Variants in STRADB observed in about 807,000 individuals in gnomAD.
STRADB encodes the protein STE20-related kinase adapter protein beta.
STRADB carries 34 observed loss-of-function variants against 52.1 expected under a neutral mutation model. The ratio of observed to expected loss-of-function variants is 0.65; its 90% CI spans 0.50 to 0.87. The LOEUF is 0.87. Among genes scored for constraint, STRADB ranks in the 40% least tolerant of loss-of-function variants. The probability of loss-of-function intolerance (pLI) is 0.00; values close to 1 mark genes in which losing one functional copy is unlikely to be tolerated. For missense variants in STRADB, 340 were observed against 483.9 expected (o/e 0.70, Z 2.79); for synonymous variants, 133 against 174.5 (o/e 0.76, Z 1.87).
chr2:201,464,354 ACCATCTTGGTGGT>A (rs1952265062), intron 3 of STRADB, among the ~76,000 whole-genome samples: 1 of 152,034 alleles, frequency 6.6e-6, no homozygotes, highest in Admixed American at 6.6e-5. Flanking sequence ...TCACAGAGGT[ACCATCTTGGTGGT>A]CTTGGGTAAG....
chr2:201,477,524 T>C, intron 7 of STRADB, 95 bp from the exon 8 acceptor site: 1 of 1,289,838 alleles, frequency 7.8e-7, no homozygotes, highest in Non-Finnish European at 1.1e-6. Flanking sequence ...GGTATTTAAT[T>C]TCCAAGAGAA....
rs930936392 is a variant in STRADB, at chr2:201,454,857, G to T, written c.12+5G>T. On this transcript the variant is annotated splice_donor_5th_base_variant and intron_variant, in intron 2 of 11. Transcript: ENST00000194530. The stretch of plus-strand genomic sequence containing the variant: ...AGTGATTCAATGTCTCTTTTGGTAA[G>T]TTTTTGTAAATATAGATCTGATTTT... 1 of 1,607,686 alleles carries T rather than the reference G, an allele frequency of 6.2e-7. No individual in the cohort carries two copies. The highest frequency in any genetic ancestry group is 8.5e-7 in the Non-Finnish European group (1 of 1,177,274).
At chr2:201,463,382 A>G (rs2125675372) in intron 3 of STRADB, among the ~76,000 whole-genome samples, 1 of 148,016 alleles carries the variant, frequency 6.8e-6, no homozygotes, top group South Asian at 2.2e-4. Flanking sequence ...ATGTTGTGCT[A>G]CTCTCTCCTG....
At chr2:201,453,859 A>G (rs1214670780) in intron 1 of STRADB, among the ~76,000 whole-genome samples, 2 of 152,210 alleles carry the variant, frequency 1.3e-5, no homozygotes, top group Non-Finnish European at 2.9e-5. Context: ...TAGGTGGCTA[A>G]ATGATCACAG....
At chr2:201,478,632 A>G (rs921784066) in intron 10 of STRADB, 31 bp downstream of exon 10, 1 of 1,601,936 alleles carries the variant, frequency 6.2e-7, no homozygotes, top group Non-Finnish European at 8.5e-7. Flanking sequence ...ATAGCACAAA[A>G]TGTACATGTT....
rs533095835 is a variant in STRADB, at chr2:201,475,119, A to G, written c.424+364A>G. 7.5e-4 allele frequency among the ~76,000 whole-genome samples: 114 copies of G among 152,152 alleles called. 1 individual carries two copies. Among genetic ancestry groups the G allele is most frequent in the African/African-American group, 2.7e-3 (111 of 41,508 alleles). The stretch of plus-strand genomic sequence containing the variant: ...TGTCCGTTTCACTGCATTGTAAACT[A>G]TTTCACTGTATTAGAAACATCTTTG... On this transcript the variant is annotated intron_variant, in intron 6 of 11. Coordinates refer to ENST00000194530, the MANE Select transcript of STRADB (RefSeq NM_018571.6).
Position 201,454,924 on chromosome 2 carries a change from A to G in STRADB, c.12+72A>G. On this transcript the variant is annotated intron_variant, in intron 2 of 11. Coordinates refer to ENST00000194530, the MANE Select transcript of STRADB (RefSeq NM_018571.6). Reference sequence around the variant, plus strand: ...TGGATGTTAATGCCAAGCCATAATAAAAGGCATATTCTGATGGGATATTCT... The same window carrying G: ...TGGATGTTAATGCCAAGCCATAATAGAAGGCATATTCTGATGGGATATTCT... The G allele has an allele frequency of 2.1e-6, 3 of 1,403,014 alleles. No homozygotes were observed. The South Asian group carries it at 3.7e-5, about 17-fold the overall frequency. The allele number at this position is 1,403,014 out of a possible 1,614,324, so 86.9% of individuals were successfully genotyped here.
At chr2:201,473,194 A>T (rs1338775277) in intron 5 of STRADB, 118 bp downstream of exon 5, 2 of 873,860 alleles carry the variant, frequency 2.3e-6, no homozygotes, top group African/African-American at 1.8e-5. Context: ...ATACAATAAA[A>T]AATAGTACAA....
At position 201,474,705 on chromosome 2, in the gene STRADB, T is replaced by C; in HGVS notation, c.374T>C (p.Val125Ala). 6.2e-7 allele frequency: 1 copy of C among 1,612,062 alleles called. No homozygotes were observed. The highest frequency in any genetic ancestry group is 8.5e-7 in the Non-Finnish European group (1 of 1,179,466). The change falls in exon 6 of 12, where the codon GTT becomes GCT. Residue 125 changes from valine (V) to alanine (A), a missense_variant. Physicochemically the swap from Val to Ala is moderately conservative, Grantham distance 64. Coordinates refer to ENST00000194530, the MANE Select transcript of STRADB (RefSeq NM_018571.6). ...CCCAATATTACAACTTATTGGACAG[T>C]TTTCACTGTTGGCAGCTGGCTTTGG... ...RHPNITTYWT[V>A]FTVGSWLWVI...
Position 201,474,185 on chromosome 2 carries a change from C to A in STRADB, c.316-462C>A, listed in dbSNP as rs545623620. On this transcript the variant is annotated intron_variant, in intron 5 of 11. Coordinates refer to ENST00000194530, the MANE Select transcript of STRADB (RefSeq NM_018571.6). ...GATTACAGGCGTGAGCCACCGTGCC[C>A]GGCCCCAATTCTTAAAATATTTATA... is the stretch of plus-strand genomic sequence containing the variant. Among the ~76,000 whole-genome samples, 7 of 152,164 alleles carry A rather than the reference C, an allele frequency of 4.6e-5. No homozygotes were observed. In the South Asian group the frequency reaches 1.5e-3, roughly 32 times the overall value.
At chr2:201,455,239 A>G (rs557936389) in intron 2 of STRADB, among the ~76,000 whole-genome samples, 3 of 152,316 alleles carry the variant, frequency 2.0e-5, no homozygotes, top group Admixed American at 2.0e-4. Context: ...CTTTGACTTA[A>G]CCGAAATAAA....
At position 201,468,085 on chromosome 2, in the gene STRADB, C is replaced by CTT. The variant is rs536551120; in HGVS notation, c.94-1846_94-1845dup. Among the ~76,000 whole-genome samples, 578 of 70,962 alleles carry CTT rather than the reference C, an allele frequency of 8.1e-3. 4 individuals are homozygous for CTT. Among genetic ancestry groups the CTT allele is most frequent in the Non-Finnish European group, 0.013 (451 of 33,924 alleles). 46.6% of individuals were successfully genotyped at this position (70,962 alleles called of 152,430 possible). A position where few individuals can be genotyped will look rare whatever the true frequency, so the allele number is the denominator to read the frequency against. ...ATTGTGAGTCCTGCCTTTTTTTTTT[C>CTT]TTTTTTTTTTTTTTTTTTTTTTTGG... On this transcript the variant is annotated intron_variant, in intron 3 of 11. Coordinates refer to ENST00000194530, the MANE Select transcript of STRADB (RefSeq NM_018571.6).
rs1330771864 is a variant in STRADB, at chr2:201,477,599, A to G, written c.549-20A>G. 2.5e-6 allele frequency: 4 copies of G among 1,581,424 alleles called. No individual in the cohort carries two copies. The highest frequency in any genetic ancestry group is 1.7e-5 in the Admixed American group (1 of 59,104). On this transcript the variant is annotated intron_variant, in intron 7 of 11. Transcript: ENST00000194530. ...ATTGGCCAGTTTCCTGTTACTTAGCATTGTTTCTTTTTGTTCTAGGAGTAT... is the reference window on the plus strand; with the variant it reads ...ATTGGCCAGTTTCCTGTTACTTAGCGTTGTTTCTTTTTGTTCTAGGAGTAT...
intron 3 of STRADB, among the ~76,000 whole-genome samples, chr2:201,462,620 A>G (rs1952233358): frequency 1.3e-5 from 2 of 152,222 alleles, no homozygotes; most frequent in South Asian, 4.1e-4. Context: ...TTTTAAAGTG[A>G]CAACTTGACA....
At chr2:201,469,446 C>G (rs991931093) in intron 3 of STRADB, among the ~76,000 whole-genome samples, 1 of 152,198 alleles carries the variant, frequency 6.6e-6, no homozygotes, top group Admixed American at 6.5e-5. Flanking sequence ...ATTTTTCTTT[C>G]TGACCTCCCA....
intron 4 of STRADB, 200 bp from the exon 5 acceptor site, chr2:201,472,755 T>C (rs1952410318): frequency 1.4e-5 from 6 of 420,782 alleles, no homozygotes; most frequent in East Asian, 4.3e-5. Flanking sequence ...TCTTATTTTG[T>C]GGATTGCCTG....
chr2:201,456,468 A>G (rs1308172544), intron 2 of STRADB, among the ~76,000 whole-genome samples: 1 of 152,248 alleles, frequency 6.6e-6, no homozygotes, highest in Non-Finnish European at 1.5e-5. Context: ...TTTTGTGAAA[A>G]ATAATAGAAT....
intron 3 of STRADB, among the ~76,000 whole-genome samples, chr2:201,465,637 G>A (rs1952289188): frequency 6.6e-6 from 1 of 152,192 alleles, no homozygotes; most frequent in South Asian, 2.1e-4. Context: ...GGCCCCCCAA[G>A]TCCACTGGCT....
chr2:201,475,526 T>C, intron 6 of STRADB, 93 bp from the exon 7 acceptor site: 2 of 1,458,694 alleles, frequency 1.4e-6, no homozygotes, highest in Non-Finnish European at 1.9e-6. Flanking sequence ...GTAACAGGTA[T>C]GTTTGTGTTT....
Sources: allele counts gnomAD v4.1 joint callset (sites outside exome capture counted in the v4.1 genomes callset), GRCh38; gene constraint gnomAD v4.1.1; transcripts MANE v1.5; gene names NCBI Gene and HGNC (gene_info 2026-07-23, HGNC 2026-07-21).